The following MS4A15 variants were observed in gnomAD, a reference collection of about 807,000 sequenced individuals.
MS4A15 encodes membrane-spanning 4-domains subfamily A member 15.
Under a neutral mutation model 20.6 loss-of-function variants are expected in MS4A15, and 22 were observed. The ratio of observed to expected loss-of-function variants is 1.07; its 90% CI spans 0.76 to 1.52. The LOEUF is 1.52. MS4A15 is among the 40% of genes most tolerant of loss of function. The pLI, the probability that MS4A15 is intolerant of heterozygous loss-of-function variation, is 0.00. For synonymous variants in MS4A15, 129 were observed against 129.3 expected (o/e 1.00, Z 0.02); for missense variants, 312 against 323.0 (o/e 0.97, Z 0.26).
At chr11:60,767,816 C>T (rs1186254115) in intron 3 of MS4A15, among the ~76,000 whole-genome samples, 161 bp downstream of exon 3, 1 of 152,148 alleles carries the variant, frequency 6.6e-6, no homozygotes, top group African/African-American at 2.4e-5. Flanking sequence ...AACTCCTTGC[C>T]GGAAACGCTC....
At chr11:60,760,773 T>G (rs925122775) in intron 1 of MS4A15, among the ~76,000 whole-genome samples, 1 of 152,150 alleles carries the variant, frequency 6.6e-6, no homozygotes, top group Admixed American at 6.5e-5. Flanking sequence ...AGGGGGAATA[T>G]CGGGCCCTCT....
At chr11:60,769,762 T>C (rs536807026) in intron 3 of MS4A15, among the ~76,000 whole-genome samples, 9 of 152,324 alleles carry the variant, frequency 5.9e-5, no homozygotes, top group African/African-American at 1.9e-4. Context: ...CTTCTTTCCC[T>C]GCTGCGCATC....
intron 3 of MS4A15, among the ~76,000 whole-genome samples, chr11:60,767,928 C>A (rs1200038905): frequency 1.3e-5 from 2 of 152,200 alleles, no homozygotes; most frequent in Non-Finnish European, 2.9e-5. Context: ...CACGGTGGCT[C>A]ATGCCTGTAA....
intron 3 of MS4A15, 77 bp downstream of exon 3, chr11:60,767,732 A>G: frequency 2.1e-6 from 3 of 1,431,268 alleles, no homozygotes; most frequent in South Asian, 3.0e-5. Flanking sequence ...GCCCACCCCC[A>G]CCATCCTCCT....
Position 60,776,466 on chromosome 11 carries a change from G to A in MS4A15, c.*751G>A, listed in dbSNP as rs1008501915. ...GGGGAGGTTGCAGGGGAGAGCTGCC[G>A]CCAGCCCACTCCTGAGGCACCACCA... On this transcript the variant is annotated 3_prime_UTR_variant, in exon 7 of 7. Coordinates refer to ENST00000405633, the MANE Select transcript of MS4A15 (RefSeq NM_001098835.2). 2.7e-5 allele frequency: 4 copies of A among 149,716 alleles called. No individual in the cohort carries two copies. The highest frequency in any genetic ancestry group is 2.0e-4 in the East Asian group (1 of 5,100). 9.3% of individuals were successfully genotyped at this position (149,716 alleles called of 1,614,324 possible).
rs145707089 is a variant in MS4A15 at position 60,761,211 on chromosome 11, T to C, written c.-28-2495T>C. Among the ~76,000 whole-genome samples the C allele has an allele frequency of 1.8e-4, 28 of 152,366 alleles. 1 individual carries two copies. In the East Asian group the frequency reaches 5.2e-3, roughly 28 times the overall value. ...AAAATTTGGGATGGATTAAACTTAA[T>C]AACTCCTTGGTTGTATTGTCTAGTA... On this transcript the variant is annotated intron_variant, in intron 1 of 6. Coordinates refer to ENST00000405633, the MANE Select transcript of MS4A15 (RefSeq NM_001098835.2).
chr11:60,771,807 T>C, intron 4 of MS4A15: 1 of 1,194,916 alleles, frequency 8.4e-7, no homozygotes, highest in Non-Finnish European at 1.1e-6. Flanking sequence ...TTTAATCCCA[T>C]GATGGGGCTG....
intron 2 of MS4A15, 106 bp from the exon 3 acceptor site, chr11:60,767,427 T>C (rs1853909100): frequency 2.3e-6 from 3 of 1,320,420 alleles, no homozygotes; most frequent in Non-Finnish European, 3.0e-6. Context: ...TCTTTCCCAG[T>C]GGCCAACAAG....
chr11:60,769,070 A>G (rs1022504641), intron 3 of MS4A15, among the ~76,000 whole-genome samples: 1 of 152,208 alleles, frequency 6.6e-6, no homozygotes, highest in Non-Finnish European at 1.5e-5. Flanking sequence ...GGGAGAAATC[A>G]CAACAGGAAG....
At position 60,776,502 on chromosome 11, in the gene MS4A15, C is replaced by G. The variant is rs1266612068; in HGVS notation, c.*787C>G. On this transcript the variant is annotated 3_prime_UTR_variant, in exon 7 of 7. Transcript: ENST00000405633. ...CCTGAGGCACCACCACAGTCAGCATCGACAGGGGCACAGCAGTGGCAGTTT... is the reference window on the plus strand; with the variant it reads ...CCTGAGGCACCACCACAGTCAGCATGGACAGGGGCACAGCAGTGGCAGTTT... 1 of 151,928 alleles carries G rather than the reference C, an allele frequency of 6.6e-6. No homozygotes were observed. Among genetic ancestry groups the G allele is most frequent in the African/African-American group, 2.4e-5 (1 of 41,282 alleles). 9.4% of individuals were successfully genotyped at this position (151,928 alleles called of 1,614,324 possible). A position where few individuals can be genotyped will look rare whatever the true frequency, so the allele number is the denominator to read the frequency against.
In MS4A15 at chr11:60,775,602, CA is replaced by C. The variant is rs1465534822; in HGVS notation, c.613-2del. 2 of 1,613,322 alleles carry C rather than the reference CA, an allele frequency of 1.2e-6. No homozygotes were observed. Among genetic ancestry groups the C allele is most frequent in the Admixed American group, 3.3e-5 (2 of 60,010 alleles). ...AGGACGCTCAGTGCTGTTTTCTTTG[CA>C]GCCTGTGATCTTCCTGCCAAACGCC... On this transcript the variant is annotated splice_acceptor_variant, in intron 6 of 6. Coordinates refer to ENST00000405633, the MANE Select transcript of MS4A15 (RefSeq NM_001098835.2). LOFTEE classifies it high-confidence loss of function.
At chr11:60,772,561 G>GCTTAATCA (rs1565074248) in intron 4 of MS4A15, among the ~76,000 whole-genome samples, 3 of 152,202 alleles carry the variant, frequency 2.0e-5, no homozygotes, top group Admixed American at 1.3e-4. Flanking sequence ...TCAATTAATG[G>GCTTAATCA]ATTTCTTGTG....
At chr11:60,774,086 A>C (rs935717604) in intron 6 of MS4A15, 136 bp downstream of exon 6, 5 of 684,728 alleles carry the variant, frequency 7.3e-6, no homozygotes, top group African/African-American at 5.3e-5. Context: ...AGACAGCGCT[A>C]GGAAGGGTGT....
chr11:60,758,258 T>TA lies in MS4A15; in HGVS notation c.-29+1212dup, dbSNP rs34129865. 2.0e-3 allele frequency among the ~76,000 whole-genome samples: 299 copies of TA among 147,502 alleles called. 1 individual carries two copies. Among genetic ancestry groups the TA allele is most frequent in the Middle Eastern group, 6.9e-3 (2 of 288 alleles). ...ATGCTCACAGCTAGCAATACAAACA[T>TA]AAAAAAAAAAAATCCCGTAAGACAA... is the stretch of plus-strand genomic sequence containing the variant. On this transcript the variant is annotated intron_variant, in intron 1 of 6. Transcript: ENST00000405633.
chr11:60,764,070 A>G, intron 2 of MS4A15, 112 bp downstream of exon 2: 1 of 983,486 alleles, frequency 1.0e-6, no homozygotes. Flanking sequence ...TGTAGTAATG[A>G]CTCAAAGATT....
chr11:60,770,157 G>C (rs527669564), intron 3 of MS4A15, among the ~76,000 whole-genome samples: 1 of 152,114 alleles, frequency 6.6e-6, no homozygotes, highest in African/African-American at 2.4e-5. Flanking sequence ...CCTCGTGCCC[G>C]GCTGTTGTCA....
In MS4A15 at chr11:60,757,909, T is replaced by C. The variant is rs536795927; in HGVS notation, c.-29+851T>C. Among the ~76,000 whole-genome samples the C allele has an allele frequency of 2.0e-5, 3 of 152,364 alleles. No homozygotes were observed. The South Asian group carries it at 6.2e-4, about 32-fold the overall frequency. On this transcript the variant is annotated intron_variant, in intron 1 of 6. Coordinates refer to ENST00000405633, the MANE Select transcript of MS4A15 (RefSeq NM_001098835.2). ...TTGTTCAAAGCAACAGGAGATGGCATGAGAGTTTGCCTTTTACTGTCTTTA... is the reference window on the plus strand; with the variant it reads ...TTGTTCAAAGCAACAGGAGATGGCACGAGAGTTTGCCTTTTACTGTCTTTA...
In MS4A15 at chr11:60,759,292, T is replaced by A. The variant is rs140449724; in HGVS notation, c.-29+2234T>A. On this transcript the variant is annotated intron_variant, in intron 1 of 6. Coordinates refer to ENST00000405633, the MANE Select transcript of MS4A15 (RefSeq NM_001098835.2). The stretch of plus-strand genomic sequence containing the variant: ...CTGTACTGAATCAAGGTTTAAGGGA[T>A]TTAGGGGTATGCAGGATGTGCCTTG... Among the ~76,000 whole-genome samples, 535 of 152,362 alleles carry A rather than the reference T, an allele frequency of 3.5e-3. 3 individuals are homozygous for A. The highest frequency in any genetic ancestry group is 5.9e-3 in the Non-Finnish European group (403 of 68,030).
intron 4 of MS4A15, chr11:60,771,853 G>A: frequency 1.0e-6 from 1 of 968,016 alleles, no homozygotes; most frequent in Non-Finnish European, 1.3e-6. Context: ...GCAGGCACTG[G>A]GAGGCGATGG....
Sources: allele counts gnomAD v4.1 joint callset (sites outside exome capture counted in the v4.1 genomes callset), GRCh38; gene constraint gnomAD v4.1.1; transcripts MANE v1.5; gene names NCBI Gene and HGNC (gene_info 2026-07-23, HGNC 2026-07-21).